Variants in SAMD12 observed in about 807,000 individuals in gnomAD.
The protein encoded by SAMD12 is sterile alpha motif domain containing 12.
SAMD12 carries 9 observed loss-of-function variants against 15.0 expected under a neutral mutation model. The ratio of observed to expected loss-of-function variants is 0.60; its 90% CI spans 0.36 to 1.05. SAMD12 has a LOEUF of 1.05. Among genes scored for constraint, SAMD12 ranks in the 50% least tolerant of loss-of-function variants. The pLI, the probability that SAMD12 is intolerant of heterozygous loss-of-function variation, is 0.01. For synonymous variants in SAMD12, 86 were observed against 90.1 expected (o/e 0.96, Z 0.25); for missense variants, 230 against 234.2 (o/e 0.98, Z 0.12).
chr8:118,179,161 G>T, the SAMD12 span, among the ~76,000 whole-genome samples: 7 of 152,154 alleles, frequency 4.6e-5, no homozygotes, highest in Non-Finnish European at 1.0e-4. Context: ...TAAATAAGGG[G>T]CCGGATGCGG....
chr8:118,422,611 G>A (rs367668075), intron 3 of SAMD12, among the ~76,000 whole-genome samples: 5 of 152,268 alleles, frequency 3.3e-5, no homozygotes, highest in African/African-American at 1.2e-4. Context: ...GAATTGTGAC[G>A]TTATTCAGTA....
At chr8:118,338,015 C>T (rs1817169765) in intron 4 of SAMD12, among the ~76,000 whole-genome samples, 1 of 152,134 alleles carries the variant, frequency 6.6e-6, no homozygotes, top group African/African-American at 2.4e-5. Flanking sequence ...GGAAGGTATC[C>T]CCTACAGATA....
chr8:118,621,464 G>A (rs1828403612), intron 1 of SAMD12: 1 of 371,642 alleles, frequency 2.7e-6, no homozygotes, highest in South Asian at 4.3e-5. Context: ...CCGGAGGGAG[G>A]GGGCAGGGAA....
intron 4 of SAMD12, among the ~76,000 whole-genome samples, chr8:118,241,684 AT>A (rs1812570551): frequency 6.6e-6 from 1 of 152,138 alleles, no homozygotes; most frequent in Non-Finnish European, 1.5e-5. Context: ...TCTAAGTCAA[AT>A]CAGTTTCCTC....
chr8:118,381,234 G>T (rs1331401099), intron 3 of SAMD12, among the ~76,000 whole-genome samples: 2 of 152,198 alleles, frequency 1.3e-5, no homozygotes, highest in African/African-American at 2.4e-5. Flanking sequence ...GGTGGTTGGG[G>T]GTGGAGGTCT....
At chr8:118,439,235 C>T (rs1211806030) in intron 3 of SAMD12, among the ~76,000 whole-genome samples, 1 of 152,092 alleles carries the variant, frequency 6.6e-6, no homozygotes, top group Non-Finnish European at 1.5e-5. Context: ...AACTATTCAT[C>T]CCAAGGGCAG....
At position 118,435,102 on chromosome 8, in the gene SAMD12, C is replaced by CAA. The variant is rs746295945; in HGVS notation, c.322+4728_322+4729dup. ...TGGGCGACAGAGTGAGACTCCATCT[C>CAA]AAAAAAAAAAAAAAAAAGTGTGCTT... On this transcript the variant is annotated intron_variant, in intron 3 of 3. Transcript: ENST00000314727. 8.8e-4 allele frequency among the ~76,000 whole-genome samples: 106 copies of CAA among 120,246 alleles called. 24 individuals carry two copies. The South Asian group carries it at 0.021, about 23-fold the overall frequency. The allele number at this position is 120,246 out of a possible 152,430, so 78.9% of individuals were successfully genotyped here. A position where few individuals can be genotyped will look rare whatever the true frequency, so the allele number is the denominator to read the frequency against.
At chr8:118,403,336 T>A (rs1820963398) in intron 3 of SAMD12, among the ~76,000 whole-genome samples, 1 of 151,984 alleles carries the variant, frequency 6.6e-6, no homozygotes, top group Non-Finnish European at 1.5e-5. Context: ...ATAAATATTA[T>A]GTACAGTCTG....
At chr8:118,617,612 T>C (rs1307246262) in intron 1 of SAMD12, among the ~76,000 whole-genome samples, 1 of 152,174 alleles carries the variant, frequency 6.6e-6, no homozygotes, top group Admixed American at 6.5e-5. Flanking sequence ...AGACCTGGAA[T>C]AGAAATTACC....
chr8:118,280,089 G>T (rs1173364850), intron 4 of SAMD12, among the ~76,000 whole-genome samples: 1 of 152,130 alleles, frequency 6.6e-6, no homozygotes, highest in African/African-American at 2.4e-5. Context: ...GTAGGGAATT[G>T]GGAGACAGAG....
At chr8:118,618,104 T>C (rs1029635643) in intron 1 of SAMD12, among the ~76,000 whole-genome samples, 2 of 151,988 alleles carry the variant, frequency 1.3e-5, no homozygotes, top group Non-Finnish European at 2.9e-5. Flanking sequence ...GGTCGTACCC[T>C]GTTCTGTGGC....
At chr8:118,247,261 A>T (rs963008771) in intron 4 of SAMD12, among the ~76,000 whole-genome samples, 7 of 152,094 alleles carry the variant, frequency 4.6e-5, no homozygotes, top group African/African-American at 1.7e-4. Context: ...GGGGAGAAGG[A>T]GGGGCACGGA....
intron 4 of SAMD12, among the ~76,000 whole-genome samples, chr8:118,362,372 T>A (rs1818544762): frequency 6.6e-6 from 1 of 152,208 alleles, no homozygotes; most frequent in Admixed American, 6.5e-5. Context: ...CTCTATTATT[T>A]CATCTCTTCC....
At chr8:118,222,794 G>A (rs17507606) in intron 4 of SAMD12, among the ~76,000 whole-genome samples, 3 of 151,950 alleles carry the variant, frequency 2.0e-5, no homozygotes, top group East Asian at 3.9e-4. Flanking sequence ...TGTGAGCCAC[G>A]GCACCCGGCC....
At chr8:118,489,836 A>G (rs1824391466) in intron 2 of SAMD12, among the ~76,000 whole-genome samples, 1 of 152,194 alleles carries the variant, frequency 6.6e-6, no homozygotes, top group Non-Finnish European at 1.5e-5. Flanking sequence ...ATGAAGTAGC[A>G]TGATTTAATT....
At chr8:118,236,085 T>C (rs1334773487) in intron 4 of SAMD12, among the ~76,000 whole-genome samples, 1 of 152,186 alleles carries the variant, frequency 6.6e-6, no homozygotes, top group Non-Finnish European at 1.5e-5. Context: ...ACTCAGGAAT[T>C]CCTCAATTAA....
the SAMD12 span, among the ~76,000 whole-genome samples, chr8:118,136,777 A>C: frequency 6.6e-6 from 1 of 152,228 alleles, no homozygotes; most frequent in Non-Finnish European, 1.5e-5. Context: ...CTGCTGTAAG[A>C]AAATGGCAGA....
rs1373476929 is a variant in SAMD12, at chr8:118,191,764, A to T, written c.*5946T>A. On this transcript the variant is annotated 3_prime_UTR_variant, in exon 5 of 5. Transcript: ENST00000409003. Reference sequence around the variant, plus strand: ...AAAAAAAATACTGGAGATTATATATATATATATATATATATATATATATAT... The same window carrying T: ...AAAAAAAATACTGGAGATTATATATTTATATATATATATATATATATATAT... 14 of 13,670 alleles carry T rather than the reference A, an allele frequency of 1.0e-3. No homozygotes were observed. In the South Asian group the frequency reaches 0.029, roughly 28 times the overall value. 0.8% of individuals were successfully genotyped at this position (13,670 alleles called of 1,614,324 possible).
the SAMD12 span, among the ~76,000 whole-genome samples, chr8:118,165,242 A>C: frequency 6.6e-6 from 1 of 152,140 alleles, no homozygotes; most frequent in Non-Finnish European, 1.5e-5. Context: ...ATTTGCTAGA[A>C]TGTCTCACAG....
Sources: allele counts gnomAD v4.1 joint callset (sites outside exome capture counted in the v4.1 genomes callset), GRCh38; gene constraint gnomAD v4.1.1; transcripts MANE v1.5; gene names NCBI Gene and HGNC (gene_info 2026-07-23, HGNC 2026-07-21).